INVS: variants seen among roughly 807,000 people sequenced by gnomAD.
The protein encoded by INVS is inversion of embryo turning homolog.
Under a neutral mutation model 108.8 loss-of-function variants are expected in INVS, and 86 were observed. The ratio of observed to expected loss-of-function variants is 0.79; its 90% CI spans 0.66 to 0.95. The LOEUF is 0.95. INVS is among the 40% of genes least tolerant of loss of function. The pLI is 0.00. For synonymous variants in INVS, 455 were observed against 473.5 expected (o/e 0.96, Z 0.51); for missense variants, 1,169 against 1,297.4 (o/e 0.90, Z 1.52).
chr9:100,286,775 A>C (rs994705943), intron 13 of INVS, among the ~76,000 whole-genome samples: 3 of 152,172 alleles, frequency 2.0e-5, no homozygotes, highest in Non-Finnish European at 4.4e-5. Flanking sequence ...CTTATTTTTT[A>C]GATATCAGGG....
chr9:100,152,143 A>G (rs1461773429), intron 3 of INVS, among the ~76,000 whole-genome samples: 1 of 152,124 alleles, frequency 6.6e-6, no homozygotes, highest in Non-Finnish European at 1.5e-5. Context: ...ACCACCTTTT[A>G]CACTGAAATA....
chr9:100,162,906 A>G (rs1470993647), intron 3 of INVS, among the ~76,000 whole-genome samples: 1 of 152,116 alleles, frequency 6.6e-6, no homozygotes, highest in Non-Finnish European at 1.5e-5. Flanking sequence ...AAGGAGACCA[A>G]CCAATATCAG....
intron 1 of INVS, among the ~76,000 whole-genome samples, chr9:100,099,876 G>C (rs1161710623): frequency 6.6e-6 from 1 of 152,156 alleles, no homozygotes; most frequent in Non-Finnish European, 1.5e-5. Flanking sequence ...TACCCAGGAG[G>C]CACACTGTGC....
At position 100,181,609 on chromosome 9, in the gene INVS, T is replaced by C. The variant is rs559045665; in HGVS notation, c.274-44453T>C. ...AGCTATAAACCACTGCTCAAAGAAA[T>C]AAGAGATGACACAAACAAATAGAAA... On this transcript the variant is annotated intron_variant, in intron 3 of 16. Coordinates refer to ENST00000262457, the MANE Select transcript of INVS (RefSeq NM_014425.5). 3.3e-5 allele frequency among the ~76,000 whole-genome samples: 5 copies of C among 152,058 alleles called. No homozygotes were observed. In the South Asian group the frequency reaches 1.0e-3, roughly 32 times the overall value.
At chr9:100,231,452 C>T (rs1831508968) in intron 5 of INVS, among the ~76,000 whole-genome samples, 1 of 151,990 alleles carries the variant, frequency 6.6e-6, no homozygotes, top group Non-Finnish European at 1.5e-5. Context: ...TGGTTTGCTG[C>T]ACCCATCAAC....
In INVS at chr9:100,297,866, G is replaced by C. The variant is rs772939397; in HGVS notation, c.3017-70G>C. 6.8e-6 allele frequency: 10 copies of C among 1,474,616 alleles called. No homozygotes were observed. In the African/African-American group the frequency reaches 1.4e-4, roughly 20 times the overall value. The allele number at this position is 1,474,616 out of a possible 1,614,324, so 91.3% of individuals were successfully genotyped here. ...AAGCTCAAGCCTTTACCACAATAAG[G>C]AATTCAGAAGTTGGTCAGGCCAAAC... On this transcript the variant is annotated intron_variant, in intron 15 of 16. Coordinates refer to ENST00000262457, the MANE Select transcript of INVS (RefSeq NM_014425.5).
intron 3 of INVS, among the ~76,000 whole-genome samples, chr9:100,185,864 TACAAGG>T (rs1312864097): frequency 2.0e-5 from 3 of 152,088 alleles, no homozygotes; most frequent in Non-Finnish European, 4.4e-5. Flanking sequence ...TCCAAGTTGC[TACAAGG>T]ACATTATTTC....
At chr9:100,295,347 T>G (rs1196271903) in intron 14 of INVS, among the ~76,000 whole-genome samples, 14 of 152,196 alleles carry the variant, frequency 9.2e-5, no homozygotes, top group Admixed American at 9.2e-4. Context: ...GGATGTGCCA[T>G]TGTGCAATTC....
intron 3 of INVS, among the ~76,000 whole-genome samples, chr9:100,173,642 T>A (rs879320756): frequency 6.6e-6 from 1 of 152,070 alleles, no homozygotes; most frequent in Non-Finnish European, 1.5e-5. Context: ...GACAGGAGAA[T>A]CGCTTGAACC....
At chr9:100,187,544 T>TTTTTTTTTTTTTC (rs1830090471) in intron 3 of INVS, among the ~76,000 whole-genome samples, 1 of 147,896 alleles carries the variant, frequency 6.8e-6, no homozygotes, top group African/African-American at 2.5e-5. Flanking sequence ...TTTTTTTTTT[T>TTTTTTTTTTTTTC]GAGACAAAGT....
At chr9:100,175,880 C>A in intron 3 of INVS, 1 of 607,154 alleles carries the variant, frequency 1.6e-6, no homozygotes. Context: ...AGAGGAATCT[C>A]TGCAAGTCCT....
intron 3 of INVS, chr9:100,175,759 G>T: frequency 1.6e-6 from 1 of 631,982 alleles, no homozygotes. Flanking sequence ...TCGGCCTGGG[G>T]CAACCAGACC....
chr9:100,228,936 C>T (rs1437622435), intron 4 of INVS, among the ~76,000 whole-genome samples: 1 of 152,212 alleles, frequency 6.6e-6, no homozygotes, highest in African/African-American at 2.4e-5. Context: ...TCAATAGGAA[C>T]ACATTTCTGT....
intron 2 of INVS, among the ~76,000 whole-genome samples, chr9:100,108,398 A>G (rs911267745): frequency 6.6e-6 from 1 of 152,164 alleles, no homozygotes; most frequent in Non-Finnish European, 1.5e-5. Flanking sequence ...GAATTGTGCC[A>G]TTATGTTTTC....
At chr9:100,137,799 T>A (rs1828274441) in intron 3 of INVS, among the ~76,000 whole-genome samples, 1 of 152,210 alleles carries the variant, frequency 6.6e-6, no homozygotes, top group Admixed American at 6.5e-5. Context: ...CTTTTTCCAA[T>A]TGTATTTAAA....
In INVS at chr9:100,290,814, C is replaced by T. The variant is rs368778853; in HGVS notation, c.2069-1512C>T. 9.9e-5 allele frequency among the ~76,000 whole-genome samples: 15 copies of T among 151,666 alleles called. No homozygotes were observed. The East Asian group carries it at 2.2e-3, about 22-fold the overall frequency. On this transcript the variant is annotated intron_variant, in intron 13 of 16. Coordinates refer to ENST00000262457, the MANE Select transcript of INVS (RefSeq NM_014425.5). ...GCACCCTCAACCTCCCAGCCTCAAG[C>T]GACCTTTCACCTCAGCCTTCTGAGT...
At chr9:100,203,990 GC>G (rs1830605948) in intron 3 of INVS, among the ~76,000 whole-genome samples, 1 of 152,004 alleles carries the variant, frequency 6.6e-6, no homozygotes, top group Admixed American at 6.5e-5. Context: ...TGATCCCAAT[GC>G]TTTTTTTTTC....
chr9:100,170,278 C>T (rs1829494394), intron 3 of INVS, among the ~76,000 whole-genome samples: 1 of 150,960 alleles, frequency 6.6e-6, no homozygotes, highest in Non-Finnish European at 1.5e-5. Context: ...TAAGGTCAGC[C>T]AAACACAATG....
chr9:100,140,103 T>G (rs1370075048), intron 3 of INVS, among the ~76,000 whole-genome samples: 1 of 152,210 alleles, frequency 6.6e-6, no homozygotes, highest in African/African-American at 2.4e-5. Context: ...CCCTAGCCCC[T>G]GGCAACCACC....
Sources: allele counts gnomAD v4.1 joint callset (sites outside exome capture counted in the v4.1 genomes callset), GRCh38; gene constraint gnomAD v4.1.1; transcripts MANE v1.5; gene names NCBI Gene and HGNC (gene_info 2026-07-23, HGNC 2026-07-21).